SLC9B1: variants seen among roughly 807,000 people sequenced by gnomAD.
The protein encoded by SLC9B1 is solute carrier family 9 member B1, also known as sodium/hydrogen exchanger 9B1.
Under a neutral mutation model 51.7 loss-of-function variants are expected in SLC9B1, and 32 were observed. The observed-to-expected ratio is 0.62, with a 90% CI of 0.47 to 0.83. The LOEUF is 0.83. SLC9B1 is among the 40% of genes least tolerant of loss of function. SLC9B1 has a pLI of 0.00. For synonymous variants in SLC9B1, 145 were observed against 212.7 expected (o/e 0.68, Z 2.77); for missense variants, 406 against 613.2 (o/e 0.66, Z 3.57).
chr4:102,912,279 T>A (rs1490837976), intron 7 of SLC9B1: 2 of 152,070 alleles, frequency 1.3e-5, no homozygotes, highest in African/African-American at 4.8e-5. Context: ...GATTTTAACA[T>A]GAAAAGAACA....
intron 3 of SLC9B1, among the ~76,000 whole-genome samples, chr4:102,979,875 A>C (rs1467025710): frequency 6.6e-6 from 1 of 152,168 alleles, no homozygotes; most frequent in Non-Finnish European, 1.5e-5. Flanking sequence ...CAGAGTCCAC[A>C]AGGAAGTTAA....
chr4:102,966,527 G>A (rs1035056077), intron 3 of SLC9B1, among the ~76,000 whole-genome samples: 1 of 152,194 alleles, frequency 6.6e-6, no homozygotes, highest in African/African-American at 2.4e-5. Context: ...AGCCATACCT[G>A]GGTATGATTG....
intron 1 of SLC9B1, among the ~76,000 whole-genome samples, chr4:103,002,400 A>G (rs1237341147): frequency 6.6e-6 from 1 of 152,220 alleles, no homozygotes; most frequent in Non-Finnish European, 1.5e-5. Context: ...TGTGCAAGAC[A>G]CAGACTAAAG....
chr4:102,905,676 A>G lies in SLC9B1; in HGVS notation c.1196-26T>C, dbSNP rs763992332. ...CTACAACAGATGAAAACAAACATAAATAACAAAATATTTGTGAAGAAGTGT... is the reference window on the plus strand; with the variant it reads ...CTACAACAGATGAAAACAAACATAAGTAACAAAATATTTGTGAAGAAGTGT... On this transcript the variant is annotated intron_variant, in intron 10 of 11. Transcript: ENST00000296422. 4 of 1,594,520 alleles carry G rather than the reference A, an allele frequency of 2.5e-6. No individual in the cohort carries two copies. The African/African-American group carries it at 4.1e-5, about 16-fold the overall frequency.
chr4:102,899,274 C>A (rs1382011677), downstream of SLC9B1, among the ~76,000 whole-genome samples: 1 of 151,040 alleles, frequency 6.6e-6, no homozygotes, highest in Non-Finnish European at 1.5e-5. Flanking sequence ...ATAGTTACAA[C>A]AATTTTCCTC....
chr4:102,996,049 T>C (rs1406162174), intron 1 of SLC9B1, among the ~76,000 whole-genome samples: 1 of 152,200 alleles, frequency 6.6e-6, no homozygotes, highest in Non-Finnish European at 1.5e-5. Flanking sequence ...TGAAGTACTC[T>C]TTAATATTAC....
chr4:102,888,572 A>T (rs1461591855), intron 11 of SLC9B1: 1 of 152,260 alleles, frequency 6.6e-6, no homozygotes, highest in African/African-American at 2.4e-5. Context: ...AATCTTTAAA[A>T]TTTTTGTGCT....
intron 1 of SLC9B1, among the ~76,000 whole-genome samples, chr4:102,995,170 C>T (rs1393650367): frequency 1.3e-5 from 2 of 152,178 alleles, no homozygotes; most frequent in Non-Finnish European, 2.9e-5. Context: ...TGAATGCCTA[C>T]TCTTCTGGCC....
chr4:102,887,544 A>G (rs1733993319), intron 11 of SLC9B1: 7 of 604,594 alleles, frequency 1.2e-5, no homozygotes, highest in Non-Finnish European at 2.1e-5. Context: ...TTCCTGCACT[A>G]CTGTTTGTAT....
At position 102,893,300 on chromosome 4, in the gene SLC9B1, AAAAAAG is replaced by A. The variant is rs1560911594; in HGVS notation, c.1333-7978_1333-7973del. Reference sequence around the variant, plus strand: ...CCATCTCAAAAAAAAAAAAAAAAAAAAAAAAGAAAAAGAAAAAAGAAAGATTCACTT... The same window carrying A: ...CCATCTCAAAAAAAAAAAAAAAAAAAAAAAAGAAAAAAGAAAGATTCACTT... On this transcript the variant is annotated intron_variant, in intron 11 of 11. Coordinates refer to the SLC9B1 transcript ENST00000394789. 2.4e-4 allele frequency among the ~76,000 whole-genome samples: 35 copies of A among 147,872 alleles called. 1 individual carries two copies. The highest frequency in any genetic ancestry group is 8.1e-4 in the African/African-American group (32 of 39,318).
rs201480737 is a variant in SLC9B1, at chr4:102,958,664, TG to T, written c.212-9238del. Among the ~76,000 whole-genome samples, 639 of 152,270 alleles carry T rather than the reference TG, an allele frequency of 4.2e-3. 8 individuals are homozygous for T. The highest frequency in any genetic ancestry group is 0.014 in the African/African-American group (598 of 41,546). On this transcript the variant is annotated intron_variant, in intron 3 of 11. Transcript: ENST00000296422. ...GAGGCCAGGCGCAGTGGCTCATACC[TG>T]TAATCCCAGCACTTTGGGAGGCCGT...
intron 7 of SLC9B1, among the ~76,000 whole-genome samples, chr4:102,927,081 C>T (rs1418006976): frequency 6.6e-6 from 1 of 152,092 alleles, no homozygotes; most frequent in Non-Finnish European, 1.5e-5. Context: ...CTTCCTTATA[C>T]CTTATACAAA....
intron 6 of SLC9B1, among the ~76,000 whole-genome samples, chr4:102,939,284 T>C (rs1278668424): frequency 1.3e-5 from 2 of 151,384 alleles, no homozygotes; most frequent in Non-Finnish European, 2.9e-5. Context: ...AGAACACCTA[T>C]GAGAAATTGG....
intron 1 of SLC9B1, among the ~76,000 whole-genome samples, chr4:103,013,130 C>T (rs759591162): frequency 1.2e-4 from 19 of 152,188 alleles, no homozygotes; most frequent in Non-Finnish European, 2.1e-4. Flanking sequence ...ACCCAGAATC[C>T]AAGGTTTGCT....
chr4:102,941,385 A>G (rs1172412277), intron 6 of SLC9B1: 3 of 443,776 alleles, frequency 6.8e-6, no homozygotes, highest in Non-Finnish European at 1.4e-5. Flanking sequence ...CAACAAGTAT[A>G]TGGAAAAATA....
At chr4:103,018,666 G>T (rs879710658) in intron 1 of SLC9B1, among the ~76,000 whole-genome samples, 2 of 30,136 alleles carry the variant, frequency 6.6e-5, no homozygotes, top group African/African-American at 4.5e-4. Flanking sequence ...ACCCATAGAG[G>T]GGGAGTGAGG....
chr4:102,906,509 T>A, intron 10 of SLC9B1, 27 bp downstream of exon 10: 1 of 1,153,626 alleles, frequency 8.7e-7, no homozygotes, highest in Non-Finnish European at 1.2e-6. Flanking sequence ...TTGAATTTCA[T>A]ATTTTTTGTG....
At chr4:102,970,441 G>C (rs1281966794) in intron 3 of SLC9B1, among the ~76,000 whole-genome samples, 1 of 152,174 alleles carries the variant, frequency 6.6e-6, no homozygotes, top group African/African-American at 2.4e-5. Context: ...CAAATGCTGA[G>C]AGATTTTGTT....
chr4:102,911,413 A>G lies in SLC9B1; in HGVS notation c.936+18T>C. On this transcript the variant is annotated intron_variant, in intron 8 of 11. Coordinates refer to ENST00000296422, the MANE Select transcript of SLC9B1 (RefSeq NM_139173.4). Reference sequence around the variant, plus strand: ...AATGTCTAATACTATACTTCTATAAAATAGATTTTGTATTTACCTGGTCTT... The same window carrying G: ...AATGTCTAATACTATACTTCTATAAGATAGATTTTGTATTTACCTGGTCTT... 1 of 1,536,920 alleles carries G rather than the reference A, an allele frequency of 6.5e-7. No individual in the cohort carries two copies. Among genetic ancestry groups the G allele is most frequent in the South Asian group, 1.1e-5 (1 of 88,860 alleles).
Sources: allele counts gnomAD v4.1 joint callset (sites outside exome capture counted in the v4.1 genomes callset), GRCh38; gene constraint gnomAD v4.1.1; transcripts MANE v1.5; gene names NCBI Gene and HGNC (gene_info 2026-07-23, HGNC 2026-07-21).